IGSF21: variants seen among roughly 807,000 people sequenced by gnomAD.
IGSF21 encodes the protein immunoglobin superfamily member 21, also known as immunoglobulin superfamily member 21.
A neutral mutation model predicts 46.8 loss-of-function variants in IGSF21; 28 were observed. The observed-to-expected ratio is 0.60, with a 90% CI of 0.44 to 0.82. IGSF21 has a LOEUF of 0.82. IGSF21 is among the 40% of genes least tolerant of loss of function. The pLI is 0.00. For synonymous variants in IGSF21, 284 were observed against 273.6 expected, an observed-to-expected ratio of 1.04 and a Z score of -0.38; for missense variants, 624 against 665.5, an observed-to-expected ratio of 0.94 and a Z score of 0.69.
intron 1 of IGSF21, chr1:18,111,407 CTT>C (rs1054361933): frequency 1.3e-5 from 2 of 152,186 alleles, no homozygotes; most frequent in African/African-American, 4.8e-5. Context: ...GGTTTTGAAA[CTT>C]GTGTGTTTTT....
At chr1:18,369,033 A>G (rs1398544159) in intron 6 of IGSF21, among the ~76,000 whole-genome samples, 1 of 152,164 alleles carries the variant, frequency 6.6e-6, no homozygotes, top group African/African-American at 2.4e-5. Flanking sequence ...ACCCCCACTC[A>G]TCATCAGAGC....
intron 1 of IGSF21, among the ~76,000 whole-genome samples, chr1:18,184,766 G>T (rs12750449): frequency 0.049 from 7,421 of 152,200 alleles, 186 homozygotes; most frequent in East Asian, 0.055. Flanking sequence ...GTGACCCACT[G>T]GCCACCAGTT....
intron 2 of IGSF21, among the ~76,000 whole-genome samples, chr1:18,279,719 G>A (rs771177439): frequency 6.6e-6 from 1 of 152,198 alleles, no homozygotes; most frequent in East Asian, 1.9e-4. Context: ...AGGAACAGCC[G>A]GCAGATGGAC....
At chr1:18,177,552 A>T (rs1355010515) in intron 1 of IGSF21, among the ~76,000 whole-genome samples, 1 of 151,862 alleles carries the variant, frequency 6.6e-6, no homozygotes, top group Admixed American at 6.6e-5. Flanking sequence ...TCTGCAGTTG[A>T]TTATTGCCTT....
intron 2 of IGSF21, among the ~76,000 whole-genome samples, chr1:18,291,035 G>GAAAC (rs1168929626): frequency 6.6e-6 from 1 of 152,202 alleles, no homozygotes; most frequent in African/African-American, 2.4e-5. Context: ...ATAAATAATT[G>GAAAC]AAACAGTGAC....
At chr1:18,220,257 AC>A (rs938270614) in intron 1 of IGSF21, among the ~76,000 whole-genome samples, 1 of 151,952 alleles carries the variant, frequency 6.6e-6, no homozygotes, top group African/African-American at 2.4e-5. Context: ...GCCACTCACC[AC>A]TCAGTGCTGA....
intron 1 of IGSF21, among the ~76,000 whole-genome samples, chr1:18,218,804 G>C (rs2084478959): frequency 6.6e-6 from 1 of 152,176 alleles, no homozygotes. Context: ...TTTTGAGGCA[G>C]CTATGAAAAT....
chr1:18,127,927 G>A (rs1003964972), intron 1 of IGSF21, among the ~76,000 whole-genome samples: 1 of 151,982 alleles, frequency 6.6e-6, no homozygotes, highest in Non-Finnish European at 1.5e-5. Flanking sequence ...AAATGGGGGT[G>A]AAGCTGAACA....
At chr1:18,284,677 A>G (rs1288404817) in intron 2 of IGSF21, among the ~76,000 whole-genome samples, 1 of 152,240 alleles carries the variant, frequency 6.6e-6, no homozygotes, top group Non-Finnish European at 1.5e-5. Context: ...CACCCACAGT[A>G]AAACTGAGTC....
At chr1:18,234,003 G>A (rs1279460392) in intron 2 of IGSF21, among the ~76,000 whole-genome samples, 2 of 152,134 alleles carry the variant, frequency 1.3e-5, no homozygotes, top group Non-Finnish European at 2.9e-5. Context: ...AAACAATACA[G>A]TCCAACCATA....
intron 1 of IGSF21, among the ~76,000 whole-genome samples, chr1:18,161,214 C>T (rs948313590): frequency 3.3e-5 from 5 of 152,270 alleles, no homozygotes; most frequent in African/African-American, 4.8e-5. Flanking sequence ...CCCTACGGGG[C>T]CCTCCCAGCC....
intron 4 of IGSF21, among the ~76,000 whole-genome samples, chr1:18,359,425 AG>A: frequency 6.7e-6 from 1 of 148,880 alleles, no homozygotes; most frequent in African/African-American, 2.5e-5. Flanking sequence ...GAAGGAAGGA[AG>A]GAAGGAAGGA....
intron 1 of IGSF21, among the ~76,000 whole-genome samples, chr1:18,129,323 G>T (rs1353458910): frequency 6.6e-6 from 1 of 152,126 alleles, no homozygotes; most frequent in Admixed American, 6.5e-5. Flanking sequence ...TGAGAGGTGG[G>T]AGAGGAGGTG....
chr1:18,372,632 A>AGCTGGATGGATG, intron 6 of IGSF21, among the ~76,000 whole-genome samples: 1 of 135,204 alleles, frequency 7.4e-6, no homozygotes, highest in Non-Finnish European at 1.6e-5. Flanking sequence ...ATGGATGGAT[A>AGCTGGATGGATG]GATGGATGGA....
intron 3 of IGSF21, among the ~76,000 whole-genome samples, chr1:18,317,378 A>G (rs1028526623): frequency 3.3e-5 from 5 of 152,198 alleles, no homozygotes; most frequent in Admixed American, 3.3e-4. Context: ...AACCTACCCA[A>G]GGTCACGGTG....
rs35019096 is a variant in IGSF21, at chr1:18,367,603, C to CTTTTTTTTTTTTTTTTTTTTTTTTT, written c.1015+1928_1015+1929insTTTTTTTTTTTTTTTTTTTTTTTTT. ...GACCTTTGATATTCTCTCTCTCTCT[C>CTTTTTTTTTTTTTTTTTTTTTTTTT]TTTTTTTTTTTTTTTTTTTTTTGAC... On this transcript the variant is annotated intron_variant, in intron 6 of 9. Transcript: ENST00000251296. 2.7e-5 allele frequency among the ~76,000 whole-genome samples: 2 copies of CTTTTTTTTTTTTTTTTTTTTTTTTT among 73,952 alleles called. 1 individual carries two copies. The highest frequency in any genetic ancestry group is 4.1e-4 in the Admixed American group (2 of 4,934). The allele number at this position is 73,952 out of a possible 152,430, so 48.5% of individuals were successfully genotyped here. A position where few individuals can be genotyped will look rare whatever the true frequency, so the allele number is the denominator to read the frequency against.
At chr1:18,233,314 C>T (rs562394510) in intron 2 of IGSF21, among the ~76,000 whole-genome samples, 9 of 152,260 alleles carry the variant, frequency 5.9e-5, no homozygotes, top group African/African-American at 1.9e-4. Context: ...GATGATGCGA[C>T]CTCGCCAGGT....
intron 6 of IGSF21, among the ~76,000 whole-genome samples, chr1:18,372,054 G>A (rs762185359): frequency 1.3e-5 from 2 of 152,112 alleles, no homozygotes; most frequent in Non-Finnish European, 2.9e-5. Context: ...GTGAATGCTG[G>A]TGTAACCACC....
At chr1:18,138,994 G>GCA (rs2086391251) in intron 1 of IGSF21, among the ~76,000 whole-genome samples, 1 of 152,216 alleles carries the variant, frequency 6.6e-6, no homozygotes, top group South Asian at 2.1e-4. Context: ...CAGCCAGTGT[G>GCA]CTTGGTCGTG....
Sources: gnomAD v4.1 joint callset for allele counts (sites outside exome capture counted in the v4.1 genomes callset) on GRCh38, gnomAD v4.1.1 for gene constraint, MANE v1.5 for transcripts, NCBI Gene and HGNC (gene_info 2026-07-23, HGNC 2026-07-21) for gene names.